The following MASP1 variants were observed in gnomAD, a reference collection of about 807,000 sequenced individuals.
MASP1 encodes the protein MBL associated serine protease 1, also known as mannan-binding lectin serine protease 1.
In MASP1, 59 loss-of-function variants were observed where a neutral mutation model predicts 77.1. The observed-to-expected ratio is 0.77, with a 90% CI of 0.62 to 0.95. MASP1 has a LOEUF of 0.95. Ranked by LOEUF, MASP1 falls within the 40% of genes least tolerant of loss-of-function variation. The pLI, the probability that MASP1 is intolerant of heterozygous loss-of-function variation, is 0.00. For missense variants in MASP1, 885 were observed against 912.9 expected (o/e 0.97, Z 0.39); for synonymous variants, 362 against 354.5 (o/e 1.02, Z -0.24).
chr3:187,275,984 T>C (rs570816478), intron 2 of MASP1, among the ~76,000 whole-genome samples: 1 of 150,016 alleles, frequency 6.7e-6, no homozygotes, highest in South Asian at 2.2e-4. Flanking sequence ...CCCCCATCTG[T>C]ACCTCTCAGT....
intron 5 of MASP1, among the ~76,000 whole-genome samples, chr3:187,256,027 A>T (rs1579525968): frequency 6.6e-6 from 1 of 151,984 alleles, no homozygotes; most frequent in Non-Finnish European, 1.5e-5. Context: ...TCTCGAAAAT[A>T]TCTCCCCCAT....
At chr3:187,224,568 G>T (rs1295664576) in intron 13 of MASP1, among the ~76,000 whole-genome samples, 1 of 151,780 alleles carries the variant, frequency 6.6e-6, no homozygotes, top group Non-Finnish European at 1.5e-5. Context: ...GGATGGTCTC[G>T]ATCTCCTGAC....
At chr3:187,278,359 A>T (rs1381758932) in intron 2 of MASP1, among the ~76,000 whole-genome samples, 2 of 151,964 alleles carry the variant, frequency 1.3e-5, no homozygotes, top group African/African-American at 4.8e-5. Flanking sequence ...CGTTGTATTC[A>T]TTAGGAACTC....
chr3:187,234,790 C>T lies in MASP1; in HGVS notation c.*894G>A, dbSNP rs896841272. 7.7e-5 allele frequency: 99 copies of T among 1,287,150 alleles called. No individual in the cohort carries two copies. The highest frequency in any genetic ancestry group is 9.7e-5 in the Non-Finnish European group (96 of 988,722). 79.7% of individuals were successfully genotyped at this position (1,287,150 alleles called of 1,614,324 possible). ...TCTTTTTCCAGGTAATCGACTAAGT[C>T]CCCATATTCGGGCCTGGGCTTCAGG... On this transcript the variant is annotated 3_prime_UTR_variant, in exon 11 of 11. Coordinates refer to ENST00000296280, the MANE Select transcript of MASP1 (RefSeq NM_139125.4).
At chr3:187,282,580 C>G (rs1235740380) in intron 2 of MASP1, among the ~76,000 whole-genome samples, 2 of 148,292 alleles carry the variant, frequency 1.3e-5, no homozygotes, top group Admixed American at 6.7e-5. Flanking sequence ...AGATGCGTCC[C>G]CAGAGGGCCC....
chr3:187,228,508 T>A (rs1386101792), intron 11 of MASP1, among the ~76,000 whole-genome samples: 1 of 152,058 alleles, frequency 6.6e-6, no homozygotes, highest in African/African-American at 2.4e-5. Context: ...CTCTCCTGGG[T>A]ATCTTGTGCC....
chr3:187,235,264 G>A lies in MASP1; in HGVS notation c.*420C>T. Reference sequence around the variant, plus strand: ...ATACAGATGCGGCATTCAGTTCAATGTTAGAAACCATTTTCTAATAGTCAG... The same window carrying A: ...ATACAGATGCGGCATTCAGTTCAATATTAGAAACCATTTTCTAATAGTCAG... On this transcript the variant is annotated 3_prime_UTR_variant, in exon 11 of 11. Coordinates refer to ENST00000296280, the MANE Select transcript of MASP1 (RefSeq NM_139125.4). The A allele has an allele frequency of 2.3e-6, 3 of 1,298,422 alleles. No homozygotes were observed. The highest frequency in any genetic ancestry group is 3.0e-6 in the Non-Finnish European group (3 of 996,670). The allele number at this position is 1,298,422 out of a possible 1,614,324, so 80.4% of individuals were successfully genotyped here. A position where few individuals can be genotyped will look rare whatever the true frequency, so the allele number is the denominator to read the frequency against.
chr3:187,243,627 A>G lies in MASP1; in HGVS notation c.1091-6T>C. Reference sequence around the variant, plus strand: ...TGGGGCTCTACAGTCTACAACTGAGAGAGAAGAAGTGAGACCCCTCAACTG... The same window carrying G: ...TGGGGCTCTACAGTCTACAACTGAGGGAGAAGAAGTGAGACCCCTCAACTG... On this transcript the variant is annotated splice_polypyrimidine_tract_variant and splice_region_variant and intron_variant, in intron 8 of 10. Transcript: ENST00000296280. 3 of 1,614,172 alleles carry G rather than the reference A, an allele frequency of 1.9e-6. No individual in the cohort carries two copies. Among genetic ancestry groups the G allele is most frequent in the Non-Finnish European group, 2.5e-6 (3 of 1,180,048 alleles).
intron 4 of MASP1, among the ~76,000 whole-genome samples, chr3:187,258,393 C>T (rs1309856405): frequency 5.3e-5 from 8 of 152,328 alleles, no homozygotes; most frequent in African/African-American, 1.9e-4. Flanking sequence ...AATGTGAAGT[C>T]TCCATCCCAA....
At position 187,253,331 on chromosome 3, in the gene MASP1, G is replaced by C. The variant is rs968275541; in HGVS notation, c.745-16C>G. On this transcript the variant is annotated splice_polypyrimidine_tract_variant and intron_variant, in intron 5 of 10. Coordinates refer to ENST00000296280, the MANE Select transcript of MASP1 (RefSeq NM_139125.4). ...CAACTTTGATCTGCAAAATATGAGA[G>C]AGAGAGAGAGAAATAGAGTGTTCCA... 6 of 1,613,690 alleles carry C rather than the reference G, an allele frequency of 3.7e-6. No homozygotes were observed. The highest frequency in any genetic ancestry group is 4.2e-6 in the Non-Finnish European group (5 of 1,179,736).
At chr3:187,246,922 G>A (rs910607553) in intron 8 of MASP1, 26 of 1,068,168 alleles carry the variant, frequency 2.4e-5, no homozygotes, top group Non-Finnish European at 2.8e-5. Context: ...GTCACAGGCA[G>A]TCTGGTTCAT....
chr3:187,259,436 T>C (rs1344998538), intron 4 of MASP1, among the ~76,000 whole-genome samples: 1 of 152,150 alleles, frequency 6.6e-6, no homozygotes, highest in Non-Finnish European at 1.5e-5. Context: ...AAATGCACAA[T>C]ACACAGATGG....
At chr3:187,236,654 T>C in intron 10 of MASP1, 87 bp from the exon 11 acceptor site, 2 of 1,610,628 alleles carry the variant, frequency 1.2e-6, no homozygotes, top group Non-Finnish European at 1.7e-6. Flanking sequence ...AAATTCACAT[T>C]TCACCCACTA....
At chr3:187,278,409 C>T (rs1717135849) in intron 2 of MASP1, among the ~76,000 whole-genome samples, 1 of 152,204 alleles carries the variant, frequency 6.6e-6, no homozygotes, top group African/African-American at 2.4e-5. Context: ...TGAGGGAGAT[C>T]AAGGAGCTTC....
rs1715126488 is a variant in MASP1 at position 187,256,811 on chromosome 3, G to A, written c.597C>T (p.Ser199=). Residue 199 remains serine, a synonymous_variant, in exon 5 of 11, where the codon AGC becomes AGT. Transcript: ENST00000296280. ...TGGGGTAAGGGTTTGGGAAGTCAGG[G>A]CTGGTGATCACCCCAGTCCTTTGAG... ...LFTQRTGVIT[S]PDFPNPYPKS... The A allele has an allele frequency of 6.2e-7, 1 of 1,613,880 alleles. No individual in the cohort carries two copies. Among genetic ancestry groups the A allele is most frequent in the Non-Finnish European group, 8.5e-7 (1 of 1,180,006 alleles).
At chr3:187,249,242 G>A (rs962210122) in intron 8 of MASP1, among the ~76,000 whole-genome samples, 2 of 152,046 alleles carry the variant, frequency 1.3e-5, no homozygotes, top group African/African-American at 4.8e-5. Flanking sequence ...ATTTTTAGTA[G>A]AGACTGAGTT....
At chr3:187,250,108 C>T (rs1579511932) in intron 8 of MASP1, 143 bp downstream of exon 8, 1 of 751,026 alleles carries the variant, frequency 1.3e-6, no homozygotes, top group Non-Finnish European at 2.4e-6. Flanking sequence ...CTTTTTTTTC[C>T]CAACCCTTGT....
At chr3:187,258,850 T>C (rs1035734387) in intron 4 of MASP1, among the ~76,000 whole-genome samples, 3 of 152,200 alleles carry the variant, frequency 2.0e-5, no homozygotes, top group Non-Finnish European at 4.4e-5. Flanking sequence ...TTCCCATAAA[T>C]ATTATCCAGC....
Position 187,235,373 on chromosome 3 carries a change from A to T in MASP1, c.*311T>A, listed in dbSNP as rs1052618588. The stretch of plus-strand genomic sequence containing the variant: ...AATAAAGGCCACTGGGGTAAGAAGC[A>T]TGGCCTGGAAAGGAGTGCTGGGATT... On this transcript the variant is annotated 3_prime_UTR_variant, in exon 11 of 11. Coordinates refer to ENST00000296280, the MANE Select transcript of MASP1 (RefSeq NM_139125.4). The T allele has an allele frequency of 7.0e-6, 10 of 1,432,142 alleles. No homozygotes were observed. In the Admixed American group the frequency reaches 2.1e-4, roughly 30 times the overall value. The allele number at this position is 1,432,142 out of a possible 1,614,324, so 88.7% of individuals were successfully genotyped here.
Sources: allele counts gnomAD v4.1 joint callset (sites outside exome capture counted in the v4.1 genomes callset), GRCh38; gene constraint gnomAD v4.1.1; transcripts MANE v1.5; gene names NCBI Gene and HGNC (gene_info 2026-07-23, HGNC 2026-07-21).